TET3: variants seen among roughly 807,000 people sequenced by gnomAD.
TET3 encodes the protein tet methylcytosine dioxygenase 3.
A neutral mutation model predicts 141.4 loss-of-function variants in TET3; 19 were observed. The ratio of observed to expected loss-of-function variants is 0.13; its 90% CI spans 0.09 to 0.20. The LOEUF is 0.20. TET3 is among the 10% of genes least tolerant of loss of function. TET3 has a pLI of 1.00. For synonymous variants in TET3, 1,043 were observed against 980.9 expected (o/e 1.06, Z -1.18); for missense variants, 1,874 against 2,356.9 (o/e 0.80, Z 4.24).
chr2:74,046,405 C>G lies in TET3; in HGVS notation c.488C>G (p.Ala163Gly). The part of the protein sequence containing the change: ...GVPVNGAREP[A>G]GPSLLGTGGP... Reference sequence around the variant, plus strand: ...CCGGTCAATGGTGCTAGAGAGCCCGCTGGACCCAGTCTGCTGGGGACTGGG... The same window carrying G: ...CCGGTCAATGGTGCTAGAGAGCCCGGTGGACCCAGTCTGCTGGGGACTGGG... Residue 163 changes from alanine to glycine, a missense_variant, in exon 4 of 12, where the codon GCT becomes GGT. Physicochemically the swap from Ala to Gly is moderately conservative, Grantham distance 60. Coordinates refer to ENST00000409262, the MANE Select transcript of TET3 (RefSeq NM_001287491.2). The surrounding 1 kb of genome is among the most constrained non-coding windows in gnomAD (Gnocchi z 4.3). 1 of 1,575,394 alleles carries G rather than the reference C, an allele frequency of 6.3e-7. No homozygotes were observed. The highest frequency in any genetic ancestry group is 1.2e-5 in the South Asian group (1 of 83,546).
chr2:73,991,540 C>A (rs560840421), intron 2 of TET3, among the ~76,000 whole-genome samples: 11 of 152,098 alleles, frequency 7.2e-5, no homozygotes, highest in African/African-American at 2.7e-4. Flanking sequence ...GCCACTGATA[C>A]GACTGCCCTG....
chr2:74,114,678 C>A, the TET3 span, among the ~76,000 whole-genome samples: 1 of 151,076 alleles, frequency 6.6e-6, no homozygotes, highest in South Asian at 2.1e-4. Flanking sequence ...ATGGTGAAAC[C>A]CCCGTCTCTA....
At chr2:74,069,609 C>T (rs1174918462) in intron 4 of TET3, among the ~76,000 whole-genome samples, 1 of 150,922 alleles carries the variant, frequency 6.6e-6, no homozygotes, top group Non-Finnish European at 1.5e-5. Context: ...TCCCTTGATG[C>T]AGGGTCTTGC....
At position 74,093,424 on chromosome 2, in the gene TET3, T is replaced by C. The variant is rs1690625179; in HGVS notation, c.3130-105T>C. 7.0e-7 allele frequency: 1 copy of C among 1,425,112 alleles called. No homozygotes were observed. 88.3% of individuals were successfully genotyped at this position (1,425,112 alleles called of 1,614,324 possible). A position where few individuals can be genotyped will look rare whatever the true frequency, so the allele number is the denominator to read the frequency against. ...TCCTGCAGTCGAAGGGCAAGGTGAC[T>C]ATCATCCTTAACATCCCTCCTTCCA... On this transcript the variant is annotated intron_variant, in intron 9 of 11. Transcript: ENST00000409262. The surrounding 1 kb of genome is among the most constrained non-coding windows in gnomAD (Gnocchi z 4.2).
rs1009265448 is a variant in TET3 at position 74,105,663 on chromosome 2, C to G, written c.*3487C>G. The G allele has an allele frequency of 3.1e-6, 1 of 326,266 alleles. No individual in the cohort carries two copies. The highest frequency in any genetic ancestry group is 2.2e-5 in the African/African-American group (1 of 44,658). The allele number at this position is 326,266 out of a possible 1,614,324, so 20.2% of individuals were successfully genotyped here. A position where few individuals can be genotyped will look rare whatever the true frequency, so the allele number is the denominator to read the frequency against. ...TCCTTCCACCAGCCTCTTTTGGGAA[C>G]AGTAGTTTGCAGAGCAAGGGATTTT... On this transcript the variant is annotated 3_prime_UTR_variant, in exon 12 of 12. Coordinates refer to ENST00000409262, the MANE Select transcript of TET3 (RefSeq NM_001287491.2).
intron 4 of TET3, among the ~76,000 whole-genome samples, chr2:74,054,137 G>C (rs952186760): frequency 2.0e-5 from 3 of 152,132 alleles, no homozygotes; most frequent in African/African-American, 7.2e-5. Context: ...GGGTGTGACG[G>C]GTGTGGAGGA....
intron 2 of TET3, among the ~76,000 whole-genome samples, chr2:73,996,747 G>C (rs1471017481): frequency 6.6e-6 from 1 of 152,224 alleles, no homozygotes. Context: ...GACCTCAGGT[G>C]ATCTGCCTGC....
rs772863069 is a variant in TET3 at position 74,102,122 on chromosome 2, C to T, written c.5334C>T (p.Thr1778=). Residue 1778 remains threonine, a synonymous_variant, in exon 12 of 12, where the codon ACC becomes ACT. Transcript: ENST00000409262. ...CTGTGCCCACAGACTCGGCGGTCAC[C>T]GTGTCCTCCTATGCCTACACGAAGG... is the stretch of plus-strand genomic sequence containing the variant. ...ALAVPTDSAV[T]VSSYAYTKVT... is the part of the protein sequence containing the mutation. 52 of 1,489,004 alleles carry T rather than the reference C, an allele frequency of 3.5e-5. No individual in the cohort carries two copies. The highest frequency in any genetic ancestry group is 5.6e-5 in the African/African-American group (4 of 70,954). The allele number at this position is 1,489,004 out of a possible 1,614,324, so 92.2% of individuals were successfully genotyped here.
chr2:74,006,831 T>TC (rs1224897589), intron 3 of TET3, among the ~76,000 whole-genome samples: 1 of 152,098 alleles, frequency 6.6e-6, no homozygotes, highest in Non-Finnish European at 1.5e-5. Flanking sequence ...AGCTGAGGAC[T>TC]CCCCCTTGTT....
chr2:74,102,351 C>A lies in TET3; in HGVS notation c.*175C>A. The A allele has an allele frequency of 9.6e-7, 1 of 1,037,980 alleles. No homozygotes were observed. The highest frequency in any genetic ancestry group is 1.2e-6 in the Non-Finnish European group (1 of 813,398). 64.3% of individuals were successfully genotyped at this position (1,037,980 alleles called of 1,614,324 possible). On this transcript the variant is annotated 3_prime_UTR_variant, in exon 12 of 12. Transcript: ENST00000409262. ...TATGGTCCAAACCTCAGAACTGACC[C>A]GCCCCTCCCTTACCCCCACTTCCCC...
the TET3 span, among the ~76,000 whole-genome samples, chr2:74,131,198 G>T: frequency 6.6e-6 from 1 of 152,166 alleles, no homozygotes; most frequent in Non-Finnish European, 1.5e-5. Flanking sequence ...GGGAATCACT[G>T]TATCTTCTTT....
At chr2:74,011,595 C>T (rs1466220932) in intron 3 of TET3, among the ~76,000 whole-genome samples, 1 of 152,258 alleles carries the variant, frequency 6.6e-6, no homozygotes, top group African/African-American at 2.4e-5. Flanking sequence ...GTGTCACTCT[C>T]TCCCTTATCA....
At chr2:73,997,227 C>T (rs541030614) in intron 2 of TET3, among the ~76,000 whole-genome samples, 13 of 152,212 alleles carry the variant, frequency 8.5e-5, no homozygotes, top group Non-Finnish European at 1.8e-4. Context: ...GAAATGAGTA[C>T]GGAGATGCTG....
At chr2:74,080,832 C>G (rs1023570944) in intron 6 of TET3, among the ~76,000 whole-genome samples, 2 of 152,180 alleles carry the variant, frequency 1.3e-5, no homozygotes, top group African/African-American at 4.8e-5. Context: ...TGTTTAAATG[C>G]CAGTCCCCGA....
intron 3 of TET3, among the ~76,000 whole-genome samples, chr2:74,008,298 G>T (rs1685249044): frequency 6.6e-6 from 1 of 152,182 alleles, no homozygotes; most frequent in Non-Finnish European, 1.5e-5. Flanking sequence ...GATGCCTCCT[G>T]CCTTCTCTTT....
At chr2:74,001,310 A>T (rs959409224) in intron 2 of TET3, among the ~76,000 whole-genome samples, 14 of 152,130 alleles carry the variant, frequency 9.2e-5, no homozygotes, top group African/African-American at 3.1e-4. Flanking sequence ...TAGGAGAGCG[A>T]ATCACTGGGT....
In TET3 at chr2:74,047,431, C is replaced by T; in HGVS notation, c.1514C>T (p.Pro505Leu). 6.2e-7 allele frequency: 1 copy of T among 1,612,902 alleles called. No homozygotes were observed. Among genetic ancestry groups the T allele is most frequent in the South Asian group, 1.1e-5 (1 of 91,036 alleles). The stretch of plus-strand genomic sequence containing the variant: ...TCCTCCCCGGCCCCGGCCCCATCCC[C>T]TGTACTTCAGAGGGAGGCTCCCACG... ...PSSSPAPAPS[P>L]VLQREAPTPS... The change falls in exon 4 of 12, where the codon CCT (proline) becomes CTT (leucine). Residue 505 changes from proline to leucine, a missense_variant. Pro to Leu is a moderately conservative substitution (Grantham distance 98). Transcript: ENST00000409262.
In TET3 at chr2:74,090,013, G is replaced by A; in HGVS notation, c.3005G>A (p.Arg1002His). 6.2e-7 allele frequency: 1 copy of A among 1,614,012 alleles called. No individual in the cohort carries two copies. Among genetic ancestry groups the A allele is most frequent in the Non-Finnish European group, 8.5e-7 (1 of 1,179,894 alleles). Residue 1002 changes from arginine to histidine, a missense_variant, in exon 8 of 12, where the codon CGC (arginine) becomes CAC (histidine). Physicochemically the swap from Arg to His is conservative, Grantham distance 29. This residue lies in a region of TET3 where 126 missense variants were observed against 327.4 expected (regional missense o/e 0.38). Coordinates refer to ENST00000409262, the MANE Select transcript of TET3 (RefSeq NM_001287491.2). Reference protein sequence around the residue: ...GCKYARSKTPRKFRLAGDNPK... With the variant: ...GCKYARSKTPHKFRLAGDNPK... ...AAGTATGCTCGGAGCAAGACACCTC[G>A]CAAGTTCCGCCTCGCAGGGGACAAT...
chr2:74,024,007 G>C (rs1182089591), intron 3 of TET3, among the ~76,000 whole-genome samples: 2 of 152,052 alleles, frequency 1.3e-5, no homozygotes. Flanking sequence ...TTCTTGGATT[G>C]AAGCCTCAAT....
Sources: gnomAD v4.1 joint callset for allele counts (sites outside exome capture counted in the v4.1 genomes callset) on GRCh38, gnomAD v4.1.1 for gene constraint, gnomAD v4.1.1 regional missense constraint, Gnocchi (gnomAD v3.1) non-coding constraint, MANE v1.5 for transcripts, NCBI Gene and HGNC (gene_info 2026-07-23, HGNC 2026-07-21) for gene names.